The following ELAPOR2 variants were observed in gnomAD, a reference collection of about 807,000 sequenced individuals.
ELAPOR2 encodes endosome/lysosome-associated apoptosis and autophagy regulator family member 2.
A neutral mutation model predicts 120.7 loss-of-function variants in ELAPOR2; 89 were observed. That is an observed-to-expected ratio of 0.74 (90% CI 0.62 to 0.88). The LOEUF (loss-of-function observed/expected upper bound fraction) is 0.88, where lower values mean the gene tolerates loss of function less well. Ranked by LOEUF, ELAPOR2 falls within the 40% of genes least tolerant of loss-of-function variation. ELAPOR2 has a pLI of 0.00. For synonymous variants in ELAPOR2, 444 were observed against 444.9 expected (o/e 1.00, Z 0.03); for missense variants, 1,134 against 1,251.6 (o/e 0.91, Z 1.42).
At chr7:86,923,694 C>T (rs1789930490) in intron 10 of ELAPOR2, among the ~76,000 whole-genome samples, 1 of 152,020 alleles carries the variant, frequency 6.6e-6, no homozygotes, top group South Asian at 2.1e-4. Context: ...GTTTTCTGTA[C>T]AACTTGCACA....
intron 8 of ELAPOR2, among the ~76,000 whole-genome samples, chr7:86,934,585 C>G (rs541666538): frequency 2.6e-5 from 4 of 151,944 alleles, no homozygotes; most frequent in Admixed American, 6.6e-5. Context: ...ACTTCTCCAG[C>G]CATTTTCCTC....
chr7:86,891,682 T>C, intron 21 of ELAPOR2, 42 bp downstream of exon 21: 1 of 1,567,562 alleles, frequency 6.4e-7, no homozygotes, highest in Non-Finnish European at 8.7e-7. Context: ...GCCCTCTACT[T>C]TATAAACACC....
chr7:86,993,946 A>G (rs1480078967), intron 1 of ELAPOR2, among the ~76,000 whole-genome samples: 1 of 152,178 alleles, frequency 6.6e-6, no homozygotes, highest in Non-Finnish European at 1.5e-5. Context: ...CCTCTCCTCA[A>G]TTGAATCTTT....
At chr7:86,978,074 A>C (rs1261628854) in intron 1 of ELAPOR2, among the ~76,000 whole-genome samples, 2 of 152,164 alleles carry the variant, frequency 1.3e-5, no homozygotes, top group African/African-American at 4.8e-5. Context: ...TCCACCTGTC[A>C]AGGGTGGGAC....
At chr7:86,993,130 G>A (rs1634990) in intron 1 of ELAPOR2, among the ~76,000 whole-genome samples, 56,688 of 150,616 alleles carry the variant, frequency 0.38, 11,505 homozygotes, top group African/African-American at 0.53. Context: ...CAGCTACTCA[G>A]GAGGCTGAGG....
chr7:87,011,249 C>CAAAAAAAAAAAA (rs772971682), intron 1 of ELAPOR2, among the ~76,000 whole-genome samples: 2 of 52,954 alleles, frequency 3.8e-5, no homozygotes, highest in East Asian at 5.9e-4. Context: ...GACTCCATCT[C>CAAAAAAAAAAAA]AAAAAAAAAA....
intron 2 of ELAPOR2, among the ~76,000 whole-genome samples, chr7:86,964,609 T>A (rs1440291993): frequency 6.6e-6 from 1 of 152,052 alleles, no homozygotes; most frequent in Admixed American, 6.6e-5. Context: ...ATTTTTAAAA[T>A]AAGAAAAAAT....
chr7:87,038,285 T>A (rs1362428408), intron 1 of ELAPOR2, among the ~76,000 whole-genome samples: 1 of 152,222 alleles, frequency 6.6e-6, no homozygotes, highest in African/African-American at 2.4e-5. Flanking sequence ...TACAGTTTGA[T>A]ATGTTAAGGG....
chr7:86,947,306 T>C (rs1791048916), intron 3 of ELAPOR2, among the ~76,000 whole-genome samples: 1 of 152,176 alleles, frequency 6.6e-6, no homozygotes, highest in Admixed American at 6.5e-5. Flanking sequence ...GCAAAGGCGC[T>C]TTCCACCTTA....
intron 1 of ELAPOR2, among the ~76,000 whole-genome samples, chr7:87,025,755 A>C (rs768154443): frequency 6.6e-6 from 1 of 152,196 alleles, no homozygotes; most frequent in African/African-American, 2.4e-5. Flanking sequence ...AAATAATTTT[A>C]CTAAATTTAA....
At chr7:86,957,129 C>T (rs1171175277) in intron 2 of ELAPOR2, among the ~76,000 whole-genome samples, 1 of 152,174 alleles carries the variant, frequency 6.6e-6, no homozygotes. Context: ...CTGTTTTCAT[C>T]TCATCTCCCA....
intron 21 of ELAPOR2, among the ~76,000 whole-genome samples, chr7:86,884,936 A>G (rs1799615845): frequency 6.6e-6 from 1 of 152,164 alleles, no homozygotes. Flanking sequence ...GTGGGTCCTG[A>G]CTACAATACA....
intron 1 of ELAPOR2, among the ~76,000 whole-genome samples, chr7:87,037,831 G>A (rs986881109): frequency 7.9e-5 from 12 of 152,076 alleles, no homozygotes; most frequent in Non-Finnish European, 1.6e-4. Context: ...AGATGTGGTG[G>A]TCTCTGTGCA....
intron 2 of ELAPOR2, among the ~76,000 whole-genome samples, chr7:86,955,996 A>G (rs889560654): frequency 7.9e-5 from 12 of 152,034 alleles, no homozygotes; most frequent in Admixed American, 6.6e-4. Flanking sequence ...GAAAAAAAGA[A>G]AACAAAAATA....
At chr7:86,914,642 G>T (rs1033947301) in intron 13 of ELAPOR2, 81 bp downstream of exon 13, 3 of 1,176,382 alleles carry the variant, frequency 2.6e-6, no homozygotes, top group South Asian at 2.0e-5. Context: ...TTCCAAATTT[G>T]AGTTATCACT....
chr7:87,014,027 CTT>C (rs35583728), intron 1 of ELAPOR2, among the ~76,000 whole-genome samples: 62 of 122,380 alleles, frequency 5.1e-4, no homozygotes, highest in Non-Finnish European at 6.1e-4. Context: ...ATGTTTTTCA[CTT>C]TTTTTTTTTT....
intron 5 of ELAPOR2, among the ~76,000 whole-genome samples, chr7:86,940,970 G>T (rs1422836986): frequency 6.6e-6 from 1 of 151,924 alleles, no homozygotes; most frequent in Non-Finnish European, 1.5e-5. Flanking sequence ...CAGCTGACTG[G>T]GTGTTAAGGT....
At chr7:86,944,793 C>CAA (rs886467558) in intron 4 of ELAPOR2, 106 bp downstream of exon 4, 119 of 722,096 alleles carry the variant, frequency 1.6e-4, no homozygotes, top group South Asian at 2.9e-4. Flanking sequence ...CACACACACA[C>CAA]AAAAAAAAAA....
chr7:86,975,180 G>A (rs1212728894), intron 1 of ELAPOR2, among the ~76,000 whole-genome samples: 1 of 152,146 alleles, frequency 6.6e-6, no homozygotes, highest in East Asian at 1.9e-4. Context: ...CAGCTAAGCC[G>A]CTGGCAGATC....
Sources: gnomAD v4.1 joint callset for allele counts (sites outside exome capture counted in the v4.1 genomes callset) on GRCh38, gnomAD v4.1.1 for gene constraint, MANE v1.5 for transcripts, NCBI Gene and HGNC (gene_info 2026-07-23, HGNC 2026-07-21) for gene names.